The following RALGAPA1 variants were observed in gnomAD, a reference collection of about 807,000 sequenced individuals.
RALGAPA1 encodes the protein Ral GTPase activating protein catalytic subunit alpha 1, also known as ral GTPase-activating protein subunit alpha-1.
Under a neutral mutation model 269.6 loss-of-function variants are expected in RALGAPA1, and 52 were observed. The observed-to-expected ratio is 0.19, with a 90% CI of 0.15 to 0.24. The LOEUF (loss-of-function observed/expected upper bound fraction) is 0.24, where lower values mean the gene tolerates loss of function less well. RALGAPA1 is among the 10% of genes least tolerant of loss of function. RALGAPA1 has a pLI of 1.00. For synonymous variants in RALGAPA1, 817 were observed against 1,008.3 expected, an observed-to-expected ratio of 0.81 and a Z score of 3.60; for missense variants, 1,917 against 3,013.9, an observed-to-expected ratio of 0.64 and a Z score of 8.52.
intron 37 of RALGAPA1, among the ~76,000 whole-genome samples, chr14:35,586,513 T>G (rs1383507941): frequency 6.6e-6 from 1 of 152,214 alleles, no homozygotes; most frequent in Non-Finnish European, 1.5e-5. Context: ...AGAGAGGGCA[T>G]CCTTGTCTTG....
At chr14:35,578,449 C>T (rs950528980) in intron 37 of RALGAPA1, among the ~76,000 whole-genome samples, 3 of 152,172 alleles carry the variant, frequency 2.0e-5, no homozygotes, top group Non-Finnish European at 2.9e-5. Context: ...GTAAAAAACA[C>T]TCTATGATAT....
chr14:35,724,977 C>T (rs751748563), intron 14 of RALGAPA1, 47 bp downstream of exon 14: 2 of 1,414,954 alleles, frequency 1.4e-6, no homozygotes, highest in Admixed American at 5.0e-5. Flanking sequence ...CAAAACAAAA[C>T]AACCCATATC....
At chr14:35,789,759 AG>A (rs2076028500) in intron 1 of RALGAPA1, among the ~76,000 whole-genome samples, 1 of 152,220 alleles carries the variant, frequency 6.6e-6, no homozygotes, top group African/African-American at 2.4e-5. Flanking sequence ...AGAGATCTGG[AG>A]GACAGAACAC....
At chr14:35,594,108 T>C (rs1393325368) in intron 37 of RALGAPA1, among the ~76,000 whole-genome samples, 1 of 152,046 alleles carries the variant, frequency 6.6e-6, no homozygotes, top group Non-Finnish European at 1.5e-5. Flanking sequence ...ATCCTTATCT[T>C]ACACCATACA....
At chr14:35,602,107 A>T (rs2059324731) in intron 36 of RALGAPA1, among the ~76,000 whole-genome samples, 1 of 152,172 alleles carries the variant, frequency 6.6e-6, no homozygotes, top group Non-Finnish European at 1.5e-5. Context: ...CATTTAGCAC[A>T]ATGTTTTCAA....
chr14:35,725,386 C>A (rs1041816368), intron 13 of RALGAPA1, among the ~76,000 whole-genome samples: 15 of 152,004 alleles, frequency 9.9e-5, no homozygotes, highest in African/African-American at 3.6e-4. Context: ...CAAATAAAAA[C>A]CTATTCAAAA....
chr14:35,657,968 A>G (rs1160192801), intron 28 of RALGAPA1, among the ~76,000 whole-genome samples: 1 of 152,162 alleles, frequency 6.6e-6, no homozygotes, highest in Non-Finnish European at 1.5e-5. Context: ...GTGCCTAGCA[A>G]GCACATACAA....
At chr14:35,612,785 T>G (rs550722839) in intron 35 of RALGAPA1, among the ~76,000 whole-genome samples, 1 of 151,982 alleles carries the variant, frequency 6.6e-6, no homozygotes, top group Non-Finnish European at 1.5e-5. Flanking sequence ...TGATCCGCCC[T>G]CCTTGGCCTC....
intron 18 of RALGAPA1, among the ~76,000 whole-genome samples, chr14:35,688,145 G>A (rs1311805173): frequency 6.6e-6 from 1 of 152,114 alleles, no homozygotes; most frequent in Non-Finnish European, 1.5e-5. Context: ...CATACTTGTG[G>A]TATACACTCA....
rs1410280488 is a variant in RALGAPA1 at position 35,577,122 on chromosome 14, CA to C, written c.7210-4405del. On this transcript the variant is annotated intron_variant, in intron 37 of 41. Transcript: ENST00000680220. ...CTACACTTCATTATCTAAGTGCTCA[CA>C]AACCATCTGTTTAATAATCCTATTT... 2.6e-5 allele frequency among the ~76,000 whole-genome samples: 4 copies of C among 152,300 alleles called. No individual in the cohort carries two copies. In the East Asian group the frequency reaches 7.7e-4, roughly 29 times the overall value.
intron 1 of RALGAPA1, among the ~76,000 whole-genome samples, chr14:35,795,425 A>C (rs550294880): frequency 6.6e-6 from 1 of 152,236 alleles, no homozygotes; most frequent in East Asian, 1.9e-4. Flanking sequence ...CAGAAGAAAG[A>C]ACCATGCTGA....
intron 16 of RALGAPA1, 63 bp downstream of exon 16, chr14:35,721,625 T>C: frequency 7.3e-7 from 1 of 1,377,352 alleles, no homozygotes; most frequent in South Asian, 1.5e-5. Context: ...TTGATATAAA[T>C]TGTTACCAAG....
At chr14:35,655,024 G>A (rs1296361317) in intron 29 of RALGAPA1, among the ~76,000 whole-genome samples, 1 of 151,854 alleles carries the variant, frequency 6.6e-6, no homozygotes, top group Non-Finnish European at 1.5e-5. Flanking sequence ...TATTATACAC[G>A]CAGTTTATAT....
intron 8 of RALGAPA1, among the ~76,000 whole-genome samples, chr14:35,751,812 C>A (rs7151334): frequency 0.89 from 124,872 of 140,756 alleles, 54,574 homozygotes; most frequent in Admixed American, 0.91. Context: ...ACAACAACAA[C>A]AAAAAAAAAC....
intron 33 of RALGAPA1, among the ~76,000 whole-genome samples, chr14:35,632,925 G>A (rs910180188): frequency 5.9e-5 from 9 of 152,148 alleles, no homozygotes; most frequent in African/African-American, 2.2e-4. Flanking sequence ...AGAGAATCAT[G>A]TGCTGTTAGC....
chr14:35,736,769 C>T (rs979261091), intron 12 of RALGAPA1, among the ~76,000 whole-genome samples: 2 of 152,210 alleles, frequency 1.3e-5, no homozygotes, highest in African/African-American at 4.8e-5. Context: ...GGCACAGTGG[C>T]TCATGCCTAT....
At chr14:35,617,638 G>C (rs1320608231) in intron 35 of RALGAPA1, among the ~76,000 whole-genome samples, 1 of 36,836 alleles carries the variant, frequency 2.7e-5, no homozygotes, top group Non-Finnish European at 4.3e-5. Context: ...TGTGTGGGGT[G>C]GGGGGGGGGG....
chr14:35,768,823 A>G (rs1457611671), intron 4 of RALGAPA1, among the ~76,000 whole-genome samples: 1 of 151,682 alleles, frequency 6.6e-6, no homozygotes, highest in African/African-American at 2.4e-5. Context: ...AGCCTGACCA[A>G]CATGCAGAAA....
chr14:35,548,975 A>C (rs1287157861), intron 40 of RALGAPA1, 135 bp downstream of exon 40: 49 of 1,054,176 alleles, frequency 4.6e-5, no homozygotes, highest in Non-Finnish European at 6.0e-5. Flanking sequence ...TTTATAGGCC[A>C]AATTCAAATA....
Sources: gnomAD v4.1 joint callset for allele counts (sites outside exome capture counted in the v4.1 genomes callset) on GRCh38, gnomAD v4.1.1 for gene constraint, MANE v1.5 for transcripts, NCBI Gene and HGNC (gene_info 2026-07-23, HGNC 2026-07-21) for gene names.